RANBP9: variants seen among roughly 807,000 people sequenced by gnomAD.
RANBP9 encodes ran-binding protein 9.
Under a neutral mutation model 84.3 loss-of-function variants are expected in RANBP9, and 15 were observed. That is an observed-to-expected ratio of 0.18 (90% confidence interval 0.12 to 0.27). The LOEUF (loss-of-function observed/expected upper bound fraction) is 0.27. RANBP9 is among the 10% of genes least tolerant of loss of function. The pLI is 1.00. For synonymous variants in RANBP9, 392 were observed against 349.6 expected, an observed-to-expected ratio of 1.12 and a Z score of -1.35; for missense variants, 809 against 912.8, an observed-to-expected ratio of 0.89 and a Z score of 1.46.
At chr6:13,687,991 A>G (rs1766229946) in intron 2 of RANBP9, among the ~76,000 whole-genome samples, 1 of 152,236 alleles carries the variant, frequency 6.6e-6, no homozygotes, top group Non-Finnish European at 1.5e-5. Context: ...CAGCAGCAAC[A>G]GCAGCAGCAA....
At chr6:13,681,432 C>A (rs544106532) in intron 2 of RANBP9, among the ~76,000 whole-genome samples, 14 of 152,136 alleles carry the variant, frequency 9.2e-5, no homozygotes, top group African/African-American at 3.1e-4. Flanking sequence ...GTGCAAAAAA[C>A]CCACAGACAC....
chr6:13,671,305 C>T (rs939270467), intron 2 of RANBP9, among the ~76,000 whole-genome samples: 1 of 152,116 alleles, frequency 6.6e-6, no homozygotes, highest in African/African-American at 2.4e-5. Flanking sequence ...CTCCCATTTT[C>T]TGCAATAAAA....
At chr6:13,644,952 C>G in intron 5 of RANBP9, among the ~76,000 whole-genome samples, 1 of 152,006 alleles carries the variant, frequency 6.6e-6, no homozygotes, top group Admixed American at 6.6e-5. Context: ...CAAAGAGACC[C>G]AAGATCTCTG....
At chr6:13,651,521 A>C (rs555403262) in intron 5 of RANBP9, among the ~76,000 whole-genome samples, 48 of 151,454 alleles carry the variant, frequency 3.2e-4, no homozygotes, top group Non-Finnish European at 5.0e-4. Context: ...CAGCCTCCTG[A>C]GTAGCTGGGA....
intron 1 of RANBP9, 128 bp downstream of exon 1, chr6:13,710,807 G>A (rs1758257285): frequency 4.9e-6 from 5 of 1,010,418 alleles, no homozygotes; most frequent in South Asian, 1.7e-5. Context: ...CAGCACAACA[G>A]GCGGCGAGTG....
intron 1 of RANBP9, among the ~76,000 whole-genome samples, 174 bp downstream of exon 1, chr6:13,710,761 C>T (rs1561701130): frequency 6.6e-6 from 1 of 152,152 alleles, no homozygotes; most frequent in African/African-American, 2.4e-5. Context: ...CCCTCACCCT[C>T]GGACCCTTCA....
At chr6:13,677,006 T>C (rs964444328) in intron 2 of RANBP9, among the ~76,000 whole-genome samples, 8 of 152,146 alleles carry the variant, frequency 5.3e-5, no homozygotes, top group Non-Finnish European at 1.2e-4. Flanking sequence ...GGGGAAGTCC[T>C]AGCTAATGCA....
intron 11 of RANBP9, chr6:13,632,792 A>C (rs1764826372): frequency 4.0e-6 from 1 of 251,638 alleles, no homozygotes; most frequent in African/African-American, 2.2e-5. Flanking sequence ...GTCAGAAAAA[A>C]ATTTTAGAAA....
chr6:13,667,955 G>A (rs1765688805), intron 2 of RANBP9, among the ~76,000 whole-genome samples: 1 of 152,034 alleles, frequency 6.6e-6, no homozygotes, highest in Admixed American at 6.6e-5. Context: ...CATTAAGAAT[G>A]AACTAAACCC....
chr6:13,692,527 CAAAAAAA>C (rs61237158), intron 2 of RANBP9, among the ~76,000 whole-genome samples: 7 of 28,716 alleles, frequency 2.4e-4, no homozygotes, highest in South Asian at 2.9e-3. Context: ...AACTCCGTCT[CAAAAAAA>C]AAAAAAAAAA....
At chr6:13,684,167 G>A (rs1766112026) in intron 2 of RANBP9, among the ~76,000 whole-genome samples, 1 of 152,058 alleles carries the variant, frequency 6.6e-6, no homozygotes, top group Non-Finnish European at 1.5e-5. Flanking sequence ...CCTATTTTGT[G>A]TCTGGCATTG....
intron 2 of RANBP9, among the ~76,000 whole-genome samples, chr6:13,659,121 T>C (rs1765478315): frequency 6.6e-6 from 1 of 152,032 alleles, no homozygotes; most frequent in African/African-American, 2.4e-5. Context: ...CGCCAACTTA[T>C]TTACAGATAA....
chr6:13,677,665 T>G (rs1056259242), intron 2 of RANBP9, among the ~76,000 whole-genome samples: 3 of 152,204 alleles, frequency 2.0e-5, no homozygotes, highest in Admixed American at 1.3e-4. Context: ...TTACCAATCT[T>G]AAACATTTAA....
At chr6:13,684,266 G>A (rs904820329) in intron 2 of RANBP9, among the ~76,000 whole-genome samples, 12 of 152,220 alleles carry the variant, frequency 7.9e-5, no homozygotes, top group African/African-American at 2.6e-4. Flanking sequence ...TCATTGTTAT[G>A]CCCTACACTT....
intron 1 of RANBP9, among the ~76,000 whole-genome samples, chr6:13,704,502 G>A (rs570448799): frequency 9.9e-5 from 15 of 151,962 alleles, no homozygotes; most frequent in Non-Finnish European, 8.8e-5. Flanking sequence ...ATGGTGGCAC[G>A]TGCCTGTAGT....
chr6:13,644,576 G>C lies in RANBP9; in HGVS notation c.1081C>G (p.Arg361Gly), dbSNP rs774121079. ...ATCATGGTCTGCCATTCTCCTTCTC[G>C]ATCTCCGATAGGAAATCGATCTATC... The part of the protein sequence containing the change: ...AQIDRFPIGD[R>G]EGEWQTMIQK... Residue 361 changes from arginine to glycine, a missense_variant, in exon 6 of 14, where the codon CGA (arginine) becomes GGA (glycine). Transcript: ENST00000011619. The C allele has an allele frequency of 6.2e-6, 10 of 1,612,282 alleles. No individual in the cohort carries two copies. In the African/African-American group the frequency reaches 1.1e-4, roughly 17 times the overall value.
At chr6:13,675,204 C>T (rs569241866) in intron 2 of RANBP9, among the ~76,000 whole-genome samples, 94 of 152,232 alleles carry the variant, frequency 6.2e-4, no homozygotes, top group African/African-American at 1.7e-3. Flanking sequence ...ATCCAATAAC[C>T]GCATAATACA....
intron 2 of RANBP9, among the ~76,000 whole-genome samples, chr6:13,695,140 A>G (rs1285256743): frequency 1.3e-5 from 2 of 152,194 alleles, no homozygotes; most frequent in Middle Eastern, 3.2e-3. Flanking sequence ...GAAGCTCTAC[A>G]TTTTATCCTT....
rs1305661224 is a variant in RANBP9, at chr6:13,635,189, T to C, written c.1674-637A>G. On this transcript the variant is annotated intron_variant, in intron 10 of 13. Coordinates refer to ENST00000011619, the MANE Select transcript of RANBP9 (RefSeq NM_005493.3). ...GAGAGTGAACTCACAGGCTATCTTA[T>C]TGGCTAAAGTATTGCTGAATCTTAA... 2.0e-5 allele frequency among the ~76,000 whole-genome samples: 3 copies of C among 152,228 alleles called. No homozygotes were observed. The East Asian group carries it at 5.8e-4, about 29-fold the overall frequency.
Sources: allele counts gnomAD v4.1 joint callset (sites outside exome capture counted in the v4.1 genomes callset), GRCh38; gene constraint gnomAD v4.1.1; transcripts MANE v1.5; gene names NCBI Gene and HGNC (gene_info 2026-07-23, HGNC 2026-07-21).